VPS45: variants seen among roughly 807,000 people sequenced by gnomAD.
VPS45 encodes the protein vacuolar protein sorting 45 homolog, also known as vacuolar protein sorting-associated protein 45.
Under a neutral mutation model 75.9 loss-of-function variants are expected in VPS45, and 35 were observed. The ratio of observed to expected loss-of-function variants is 0.46; its 90% CI spans 0.35 to 0.61. VPS45 has a LOEUF of 0.61. Ranked by LOEUF, VPS45 falls within the 20% of genes least tolerant of loss-of-function variation. The pLI, the probability that VPS45 is intolerant of heterozygous loss-of-function variation, is 0.00. For synonymous variants in VPS45, 220 were observed against 238.2 expected (o/e 0.92, Z 0.70); for missense variants, 559 against 685.9 (o/e 0.81, Z 2.07).
chr1:150,071,024 T>G (rs1313076324), intron 2 of VPS45, among the ~76,000 whole-genome samples: 1 of 152,094 alleles, frequency 6.6e-6, no homozygotes, highest in African/African-American at 2.4e-5. Flanking sequence ...TAAGATTATA[T>G]TATAAAGTTA....
chr1:150,121,024 C>T (rs1032614440), intron 14 of VPS45, among the ~76,000 whole-genome samples: 26 of 151,886 alleles, frequency 1.7e-4, no homozygotes, highest in Non-Finnish European at 3.5e-4. Flanking sequence ...CCCGCCACCG[C>T]GCCCGGCTAA....
rs114636950 is a variant in VPS45, at chr1:150,077,855, A to C, written c.687+76A>C. The stretch of plus-strand genomic sequence containing the variant: ...ATCAAAATACAGATAGGGAAGTAAA[A>C]ACATGGTCCATTTATTTGCCTCCTT... On this transcript the variant is annotated intron_variant, in intron 7 of 14. Transcript: ENST00000644510. 514 of 1,205,850 alleles carry C rather than the reference A, an allele frequency of 4.3e-4. 2 individuals carry two copies. The African/African-American group carries it at 6.4e-3, about 15-fold the overall frequency. The allele number at this position is 1,205,850 out of a possible 1,614,324, so 74.7% of individuals were successfully genotyped here.
chr1:150,099,376 A>G (rs1016277828), intron 13 of VPS45, among the ~76,000 whole-genome samples: 1 of 151,610 alleles, frequency 6.6e-6, no homozygotes, highest in African/African-American at 2.4e-5. Context: ...TGGCAGGCAC[A>G]GTGGCAGATG....
chr1:150,118,965 AT>A (rs1251852031), intron 14 of VPS45, among the ~76,000 whole-genome samples: 5 of 152,236 alleles, frequency 3.3e-5, no homozygotes, highest in African/African-American at 1.2e-4. Flanking sequence ...ACAGGAAAAA[AT>A]ATTAGTTGAT....
chr1:150,106,660 C>T (rs1419492192), intron 13 of VPS45, among the ~76,000 whole-genome samples: 1 of 151,152 alleles, frequency 6.6e-6, no homozygotes, highest in African/African-American at 2.5e-5. Context: ...CCCATCACCC[C>T]ATTATTTTCA....
intron 7 of VPS45, among the ~76,000 whole-genome samples, chr1:150,079,021 G>A (rs1553798715): frequency 6.8e-6 from 1 of 147,624 alleles, no homozygotes. Context: ...TGAGGCAGGA[G>A]AATCACTTGA....
chr1:150,113,159 G>C (rs1197102346), intron 14 of VPS45, among the ~76,000 whole-genome samples: 3 of 152,010 alleles, frequency 2.0e-5, no homozygotes, highest in Non-Finnish European at 4.4e-5. Context: ...TTCTTATTAA[G>C]GCTTGGCCTT....
At position 150,077,182 on chromosome 1, in the gene VPS45, G is replaced by T; in HGVS notation, c.527G>T (p.Arg176Leu). Residue 176 changes from arginine to leucine, a missense_variant, in exon 6 of 15, where the codon CGT (arginine) becomes CTT (leucine). Transcript: ENST00000644510. ...LLSLKKCPMI[R>L]YQLSSEAAKR... ...TCTCTGAAGAAGTGTCCCATGATTC[G>T]TTATCAGCTCTCATCAGAGGCAGCA... is the stretch of plus-strand genomic sequence containing the variant. 3 of 1,614,042 alleles carry T rather than the reference G, an allele frequency of 1.9e-6. No individual in the cohort carries two copies. In the South Asian group the frequency reaches 3.3e-5, roughly 18 times the overall value.
intron 4 of VPS45, 24 bp from the exon 5 acceptor site, chr1:150,076,892 C>T (rs1553798195): frequency 6.2e-7 from 1 of 1,612,974 alleles, no homozygotes. Context: ...TATGGAATGA[C>T]TATTCTTGGT....
At chr1:150,076,178 A>G (rs1571821852) in intron 3 of VPS45, 55 bp from the exon 4 acceptor site, 11 of 1,434,616 alleles carry the variant, frequency 7.7e-6, no homozygotes, top group Non-Finnish European at 9.6e-6. Context: ...GCCCTTTTAC[A>G]TATATTGCAG....
intron 14 of VPS45, among the ~76,000 whole-genome samples, chr1:150,116,929 G>A (rs1469093527): frequency 6.6e-6 from 1 of 152,154 alleles, no homozygotes; most frequent in Non-Finnish European, 1.5e-5. Context: ...TAGGCCAGGT[G>A]CAGTGGATCA....
At chr1:150,098,741 T>C (rs1656805213) in intron 13 of VPS45, 2 of 529,178 alleles carry the variant, frequency 3.8e-6, no homozygotes, top group African/African-American at 2.1e-5. Context: ...TAAATTAGTG[T>C]TTAAGCTGTT....
At chr1:150,095,892 A>G (rs1365841900) in intron 13 of VPS45, among the ~76,000 whole-genome samples, 3 of 152,132 alleles carry the variant, frequency 2.0e-5, no homozygotes, top group African/African-American at 7.2e-5. Context: ...CATGAACTTA[A>G]TTGTGTTTTA....
At chr1:150,130,491 C>T (rs1658776912) in intron 14 of VPS45, among the ~76,000 whole-genome samples, 1 of 152,120 alleles carries the variant, frequency 6.6e-6, no homozygotes, top group African/African-American at 2.4e-5. Context: ...CACACCAGGC[C>T]TAGCCCACAT....
chr1:150,116,256 A>G (rs1553808272), intron 14 of VPS45, among the ~76,000 whole-genome samples: 1 of 152,174 alleles, frequency 6.6e-6, no homozygotes, highest in Non-Finnish European at 1.5e-5. Context: ...TTTGTACCTA[A>G]TTCAAGGGCA....
chr1:150,128,072 G>A (rs1248284945), intron 14 of VPS45, among the ~76,000 whole-genome samples: 3 of 152,018 alleles, frequency 2.0e-5, no homozygotes, highest in Admixed American at 6.5e-5. Context: ...AGGCCGGGGC[G>A]GGCAGATTGC....
intron 13 of VPS45, among the ~76,000 whole-genome samples, chr1:150,095,607 C>A (rs587632502): frequency 2.1e-5 from 1 of 48,142 alleles, no homozygotes; most frequent in East Asian, 6.1e-4. Flanking sequence ...AGAGTGAGAC[C>A]CCATCTCAAA....
chr1:150,113,113 C>T (rs1657736098), intron 14 of VPS45, among the ~76,000 whole-genome samples: 1 of 152,010 alleles, frequency 6.6e-6, no homozygotes, highest in South Asian at 2.1e-4. Context: ...TTTTCCCCAC[C>T]CTGGAGGTTC....
intron 13 of VPS45, among the ~76,000 whole-genome samples, chr1:150,108,720 C>A (rs587748252): frequency 6.6e-6 from 1 of 152,292 alleles, no homozygotes; most frequent in African/African-American, 2.4e-5. Flanking sequence ...ACTGTTCTAC[C>A]TCACCCATCA....
Sources: gnomAD v4.1 joint callset for allele counts (sites outside exome capture counted in the v4.1 genomes callset) on GRCh38, gnomAD v4.1.1 for gene constraint, MANE v1.5 for transcripts, NCBI Gene and HGNC (gene_info 2026-07-23, HGNC 2026-07-21) for gene names.